Variants in CADPS2 observed in about 807,000 individuals in gnomAD.
The protein encoded by CADPS2 is calcium-dependent secretion activator 2.
In CADPS2, 93 loss-of-function variants were observed where a neutral mutation model predicts 172.5. The ratio of observed to expected loss-of-function variants is 0.54; its 90% CI spans 0.46 to 0.64. The LOEUF (loss-of-function observed/expected upper bound fraction) is 0.64, where lower values mean the gene tolerates loss of function less well. Among genes scored for constraint, CADPS2 ranks in the 30% least tolerant of loss-of-function variants. CADPS2 has a pLI of 0.00. For missense variants in CADPS2, 1,420 were observed against 1,565.9 expected (o/e 0.91, Z 1.57); for synonymous variants, 546 against 555.2 (o/e 0.98, Z 0.23).
rs115204152 is a variant in CADPS2, at chr7:122,451,581, A to T, written c.2187-106T>A. 4.4e-3 allele frequency: 2,474 copies of T among 568,454 alleles called. 51 individuals are homozygous for T. In the African/African-American group the frequency reaches 0.044, roughly 10 times the overall value. The allele number at this position is 568,454 out of a possible 1,614,324, so 35.2% of individuals were successfully genotyped here. ...ATCCAAGGAAAAGTTCACTGTATAC[A>T]TATTAATTGTGTTTACAGTGGAAAT... On this transcript the variant is annotated intron_variant, in intron 14 of 29. Transcript: ENST00000449022.
At chr7:122,564,846 T>TGCACACACACACACAC (rs2066218485) in intron 7 of CADPS2, among the ~76,000 whole-genome samples, 1 of 75,214 alleles carries the variant, frequency 1.3e-5, no homozygotes, top group Non-Finnish European at 2.6e-5. Flanking sequence ...TACACACACA[T>TGCACACACACACACAC]GCACACACAC....
intron 1 of CADPS2, among the ~76,000 whole-genome samples, chr7:122,852,399 G>A (rs1813905789): frequency 6.6e-6 from 1 of 152,212 alleles, no homozygotes; most frequent in Non-Finnish European, 1.5e-5. Context: ...CAAGGGGGAA[G>A]ATAATGAATG....
At chr7:122,689,103 A>T (rs1019561771) in intron 2 of CADPS2, among the ~76,000 whole-genome samples, 3 of 152,146 alleles carry the variant, frequency 2.0e-5, no homozygotes, top group East Asian at 3.9e-4. Flanking sequence ...GAGCAACAAC[A>T]TACTACTAAT....
chr7:122,701,800 CT>C, intron 2 of CADPS2: 2 of 1,331,544 alleles, frequency 1.5e-6, no homozygotes, highest in Non-Finnish European at 2.1e-6. Flanking sequence ...TTGGAAAGAT[CT>C]GGTTACATCT....
chr7:122,331,082 T>A (rs1041586111), intron 28 of CADPS2: 2 of 152,158 alleles, frequency 1.3e-5, no homozygotes, highest in African/African-American at 4.8e-5. Context: ...TGTTTTTATA[T>A]GTTGCTTCAA....
intron 2 of CADPS2, among the ~76,000 whole-genome samples, chr7:122,715,262 G>C (rs2089424724): frequency 1.3e-5 from 2 of 152,048 alleles, no homozygotes; most frequent in Admixed American, 6.6e-5. Context: ...TAGATTTTAA[G>C]CCTCTGTTGA....
At chr7:122,698,740 C>T (rs2085552217) in intron 2 of CADPS2, 11 of 1,613,802 alleles carry the variant, frequency 6.8e-6, no homozygotes, top group Non-Finnish European at 9.3e-6. Context: ...TCCAAAGACT[C>T]CAGTCTCTCC....
At chr7:122,407,910 A>T (rs569711023) in intron 19 of CADPS2, 124 of 513,496 alleles carry the variant, frequency 2.4e-4, no homozygotes, top group South Asian at 5.3e-4. Flanking sequence ...AAATAGAATT[A>T]AAATGTACAA....
At chr7:122,567,037 A>T (rs2066562898) in intron 7 of CADPS2, among the ~76,000 whole-genome samples, 1 of 152,182 alleles carries the variant, frequency 6.6e-6, no homozygotes, top group Non-Finnish European at 1.5e-5. Context: ...CAGTTGCTTT[A>T]TCTGGAAAGT....
At chr7:122,403,442 G>C (rs941841867) in intron 20 of CADPS2, among the ~76,000 whole-genome samples, 1 of 152,172 alleles carries the variant, frequency 6.6e-6, no homozygotes, top group Non-Finnish European at 1.5e-5. Flanking sequence ...CCTCAAAACT[G>C]AGTGCTCAAA....
chr7:122,477,594 A>G (rs985034258), intron 12 of CADPS2, among the ~76,000 whole-genome samples: 6 of 151,496 alleles, frequency 4.0e-5, no homozygotes. Flanking sequence ...AGTGAAATGT[A>G]AGGCAACAAT....
chr7:122,404,956 C>T (rs949515343), intron 20 of CADPS2, among the ~76,000 whole-genome samples: 20 of 151,948 alleles, frequency 1.3e-4, no homozygotes, highest in Non-Finnish European at 2.8e-4. Context: ...GAAACCCAGT[C>T]TCTACTAAAA....
rs1353271619 is a variant in CADPS2, at chr7:122,319,082, A to G, written c.*1083T>C. The G allele has an allele frequency of 6.6e-6, 1 of 152,196 alleles. No homozygotes were observed. Among genetic ancestry groups the G allele is most frequent in the Non-Finnish European group, 1.5e-5 (1 of 68,044 alleles). The allele number at this position is 152,196 out of a possible 1,614,324, so 9.4% of individuals were successfully genotyped here. A position where few individuals can be genotyped will look rare whatever the true frequency, so the allele number is the denominator to read the frequency against. The stretch of plus-strand genomic sequence containing the variant: ...CCACTAATAATGTGAATTACTAGTT[A>G]ATATTACTAACATTACTAATTATTA... On this transcript the variant is annotated 3_prime_UTR_variant, in exon 30 of 30. Coordinates refer to ENST00000449022, the MANE Select transcript of CADPS2 (RefSeq NM_017954.11).
chr7:122,592,299 C>T (rs1304688555), intron 6 of CADPS2, among the ~76,000 whole-genome samples: 1 of 152,088 alleles, frequency 6.6e-6, no homozygotes, highest in Admixed American at 6.5e-5. Flanking sequence ...TACCATCTCA[C>T]ACCAGTTAGA....
chr7:122,439,755 G>C (rs900315381), intron 16 of CADPS2, among the ~76,000 whole-genome samples: 2 of 151,998 alleles, frequency 1.3e-5, no homozygotes, highest in South Asian at 4.1e-4. Flanking sequence ...AAATCCTTTT[G>C]TGCATAGTAA....
rs1390154594 is a variant in CADPS2, at chr7:122,799,867, G to A, written c.340-62799C>T. Among the ~76,000 whole-genome samples, 7 of 151,958 alleles carry A rather than the reference G, an allele frequency of 4.6e-5. No individual in the cohort carries two copies. In the East Asian group the frequency reaches 9.7e-4, roughly 21 times the overall value. On this transcript the variant is annotated intron_variant, in intron 1 of 29. Coordinates refer to ENST00000449022, the MANE Select transcript of CADPS2 (RefSeq NM_017954.11). ...ACTTCTTTCAGTCAACACATCTATC[G>A]GCATTGAGGAAAGGCCACTGAAACT...
At chr7:122,349,037 G>A (rs2038127674) in intron 27 of CADPS2, among the ~76,000 whole-genome samples, 1 of 151,920 alleles carries the variant, frequency 6.6e-6, no homozygotes, top group Non-Finnish European at 1.5e-5. Context: ...ATAAGAATAT[G>A]AAGTTTAGTG....
chr7:122,764,915 C>A (rs1220079253), intron 1 of CADPS2, among the ~76,000 whole-genome samples: 2 of 152,116 alleles, frequency 1.3e-5, no homozygotes, highest in Non-Finnish European at 2.9e-5. Context: ...TACACTTAAA[C>A]CCACACTTGT....
intron 8 of CADPS2, among the ~76,000 whole-genome samples, chr7:122,548,117 C>T (rs1460148519): frequency 1.3e-5 from 2 of 152,094 alleles, no homozygotes; most frequent in Non-Finnish European, 2.9e-5. Flanking sequence ...CTTGTAATCT[C>T]AGCACTTTGG....
Sources: gnomAD v4.1 joint callset for allele counts (sites outside exome capture counted in the v4.1 genomes callset) on GRCh38, gnomAD v4.1.1 for gene constraint, MANE v1.5 for transcripts, NCBI Gene and HGNC (gene_info 2026-07-23, HGNC 2026-07-21) for gene names.